XRN1: variants seen among roughly 807,000 people sequenced by gnomAD.
XRN1 encodes 5'-3' exoribonuclease 1.
XRN1 carries 67 observed loss-of-function variants against 222.3 expected under a neutral mutation model. The observed-to-expected ratio is 0.30, with a 90% confidence interval of 0.25 to 0.37. The LOEUF is 0.37. Ranked by LOEUF, XRN1 falls within the 10% of genes least tolerant of loss-of-function variation. The pLI, the probability that XRN1 is intolerant of heterozygous loss-of-function variation, is 1.00. For missense variants in XRN1, 1,707 were observed against 2,000.2 expected, an observed-to-expected ratio of 0.85 and a Z score of 2.80; for synonymous variants, 643 against 652.4, an observed-to-expected ratio of 0.99 and a Z score of 0.22.
rs2069078127 is a variant in XRN1, at chr3:142,422,525, T to C, written c.967+57A>G. ...AATCTACTAAACTAAGTCACATTTT[T>C]AGGGTAAGGTGGCACTAAATTAAAG... On this transcript the variant is annotated intron_variant, in intron 8 of 40. Transcript: ENST00000392981. The C allele has an allele frequency of 1.4e-5, 22 of 1,521,740 alleles. No individual in the cohort carries two copies. The East Asian group carries it at 5.0e-4, about 34-fold the overall frequency. The allele number at this position is 1,521,740 out of a possible 1,614,324, so 94.3% of individuals were successfully genotyped here.
chr3:142,360,516 G>C (rs571633977), intron 29 of XRN1, among the ~76,000 whole-genome samples: 4 of 151,924 alleles, frequency 2.6e-5, no homozygotes. Flanking sequence ...ATGTTCCCTA[G>C]GTTAAAAGTG....
Position 142,318,906 on chromosome 3 carries a change from A to G in XRN1, c.4405-3T>C, listed in dbSNP as rs1472858968. Reference sequence around the variant, plus strand: ...TTTACTTGGCAAACGGTCATTGTCTAAAAAAAGAGAATATATATGTCTATG... The same window carrying G: ...TTTACTTGGCAAACGGTCATTGTCTGAAAAAAGAGAATATATATGTCTATG... On this transcript the variant is annotated splice_region_variant and splice_polypyrimidine_tract_variant and intron_variant, in intron 37 of 40. Coordinates refer to ENST00000392981, the MANE Select transcript of XRN1 (RefSeq NM_001282857.2). 1.2e-6 allele frequency: 2 copies of G among 1,609,358 alleles called. No homozygotes were observed. Among genetic ancestry groups the G allele is most frequent in the Non-Finnish European group, 1.7e-6 (2 of 1,176,668 alleles).
chr3:142,351,968 T>A (rs2066320926), intron 32 of XRN1, among the ~76,000 whole-genome samples: 1 of 151,826 alleles, frequency 6.6e-6, no homozygotes, highest in Non-Finnish European at 1.5e-5. Context: ...CCCTTATTTC[T>A]AACACCACCA....
chr3:142,334,866 C>G (rs1331925277), intron 34 of XRN1, among the ~76,000 whole-genome samples: 1 of 148,716 alleles, frequency 6.7e-6, no homozygotes, highest in Non-Finnish European at 1.5e-5. Context: ...GAGACAGAGT[C>G]TCACTGTTGC....
intron 29 of XRN1, 74 bp downstream of exon 29, chr3:142,364,972 TA>T: frequency 6.8e-7 from 1 of 1,463,684 alleles, no homozygotes; most frequent in Non-Finnish European, 9.2e-7. Flanking sequence ...TGGTTAGATA[TA>T]AAAAACAGAC....
At position 142,311,723 on chromosome 3, in the gene XRN1, C is replaced by G; in HGVS notation, c.4873G>C (p.Asp1625His). The G allele has an allele frequency of 6.2e-7, 1 of 1,614,134 alleles. No homozygotes were observed. Among genetic ancestry groups the G allele is most frequent in the African/African-American group, 1.3e-5 (1 of 75,048 alleles). Residue 1625 changes from aspartate (D) to histidine (H), a missense_variant, in exon 41 of 41, where the codon GAT becomes CAT. By Grantham distance (81) the Asp-to-His change is moderately conservative (BLOSUM62 -1). This residue lies in a region of XRN1 where 473 missense variants were observed against 482.0 expected (regional missense o/e 0.98). Transcript: ENST00000392981. The part of the protein sequence containing the change: ...QATPVQTSQP[D>H]SSNIVKVSPR... ...CTTACTTTGACAATGTTGGAAGAAT[C>G]TGGCTGGCTAGTCTGAACTGGAGTG...
At chr3:142,442,818 C>A (rs528767633) in intron 1 of XRN1, among the ~76,000 whole-genome samples, 1 of 152,214 alleles carries the variant, frequency 6.6e-6, no homozygotes, top group Admixed American at 6.5e-5. Flanking sequence ...ACTGCAAGCT[C>A]CGCCTCCTGG....
At position 142,383,239 on chromosome 3, in the gene XRN1, GAAGTT is replaced by G. The variant is rs1213430944; in HGVS notation, c.2616+56_2616+60del. ...ATTTTAATTTAAACCTAAATGAAGA[GAAGTT>G]AAGTAACTGCTTTAAACTAGAGAAA... On this transcript the variant is annotated intron_variant, in intron 22 of 40. Transcript: ENST00000392981. 7 of 1,255,150 alleles carry G rather than the reference GAAGTT, an allele frequency of 5.6e-6. No homozygotes were observed. The African/African-American group carries it at 1.1e-4, about 19-fold the overall frequency. 77.8% of individuals were successfully genotyped at this position (1,255,150 alleles called of 1,614,324 possible). A position where few individuals can be genotyped will look rare whatever the true frequency, so the allele number is the denominator to read the frequency against.
intron 33 of XRN1, among the ~76,000 whole-genome samples, chr3:142,340,182 C>T (rs962733532): frequency 2.6e-5 from 4 of 151,882 alleles, no homozygotes; most frequent in Non-Finnish European, 4.4e-5. Flanking sequence ...ATGGAGAAAC[C>T]CTGTCTCTAC....
Position 142,426,764 on chromosome 3 carries a change from T to A in XRN1, c.386A>T (p.Asp129Val). 6.2e-7 allele frequency: 1 copy of A among 1,613,748 alleles called. No homozygotes were observed. The highest frequency in any genetic ancestry group is 8.5e-7 in the Non-Finnish European group (1 of 1,179,888). Reference protein sequence around the residue: ...GETLPTEARFDSNCITPGTEF... With the variant: ...GETLPTEARFVSNCITPGTEF... ...TTTACCTGGTGTGATACAGTTGGAA[T>A]CAAATCTGGCCTCTGTAGGAAGAGT... Residue 129 changes from aspartate to valine, a missense_variant, in exon 3 of 41, where the codon GAT becomes GTT. Physicochemically the swap from Asp to Val is radical, Grantham distance 152. This residue lies in a region of XRN1 where 1,234 missense variants were observed against 1,518.2 expected (regional missense o/e 0.81). Transcript: ENST00000392981.
intron 20 of XRN1, among the ~76,000 whole-genome samples, chr3:142,386,576 T>A (rs1212013026): frequency 2.0e-5 from 3 of 152,078 alleles, no homozygotes; most frequent in African/African-American, 7.2e-5. Context: ...TAAAGATAAA[T>A]TACTTAGTTT....
At chr3:142,326,874 AATG>A (rs2065531536) in intron 37 of XRN1, among the ~76,000 whole-genome samples, 1 of 152,116 alleles carries the variant, frequency 6.6e-6, no homozygotes, top group Non-Finnish European at 1.5e-5. Flanking sequence ...TTAGTATTGA[AATG>A]ATCATATGGT....
In XRN1 at chr3:142,311,265, GT is replaced by G. The variant is rs1339236018; in HGVS notation, c.*245del. ...TTATTTTAATGCAAGGTTTAATTTA[GT>G]TTTTTATTACAGATTTATTGAGGTA... is the stretch of plus-strand genomic sequence containing the variant. On this transcript the variant is annotated 3_prime_UTR_variant, in exon 41 of 41. Transcript: ENST00000392981. The G allele has an allele frequency of 3.4e-6, 1 of 297,834 alleles. No individual in the cohort carries two copies. The highest frequency in any genetic ancestry group is 2.3e-5 in the African/African-American group (1 of 43,426). The allele number at this position is 297,834 out of a possible 1,614,324, so 18.4% of individuals were successfully genotyped here.
chr3:142,380,030 AT>A, intron 23 of XRN1, 51 bp downstream of exon 23: 1 of 1,471,600 alleles, frequency 6.8e-7, no homozygotes, highest in Non-Finnish European at 9.3e-7. Flanking sequence ...ATATCCTAAT[AT>A]TTTAAAAGTT....
Position 142,412,600 on chromosome 3 carries a change from G to T in XRN1, c.1657C>A (p.Leu553Ile). Residue 553 changes from leucine (L) to isoleucine (I), a missense_variant, in exon 15 of 41, where the codon CTA becomes ATA. By Grantham distance (5) the Leu-to-Ile change is conservative. Coordinates refer to ENST00000392981, the MANE Select transcript of XRN1 (RefSeq NM_001282857.2). ...EYYPPDFKTD[L>I]NGKQQEWEAV... ...TCCCATTCCTGTTGTTTCCCATTTAGGTCAGTTTTAAAATCAGGTGGGTAA... is the reference window on the plus strand; with the variant it reads ...TCCCATTCCTGTTGTTTCCCATTTATGTCAGTTTTAAAATCAGGTGGGTAA... 2 of 1,607,964 alleles carry T rather than the reference G, an allele frequency of 1.2e-6. No individual in the cohort carries two copies. The highest frequency in any genetic ancestry group is 1.7e-6 in the Non-Finnish European group (2 of 1,175,948).
intron 20 of XRN1, among the ~76,000 whole-genome samples, chr3:142,395,670 T>C (rs1003829737): frequency 5.3e-5 from 8 of 152,258 alleles, no homozygotes; most frequent in Admixed American, 2.0e-4. Context: ...GCTCAATCAA[T>C]ACAGCTCTTG....
chr3:142,324,319 C>T lies in XRN1; in HGVS notation c.4404+5115G>A, dbSNP rs544177470. Reference sequence around the variant, plus strand: ...GTCCATGTGTTCTCACTGTTCAATTCCCACCTATGAGTGAGAACATGTTGT... The same window carrying T: ...GTCCATGTGTTCTCACTGTTCAATTTCCACCTATGAGTGAGAACATGTTGT... On this transcript the variant is annotated intron_variant, in intron 37 of 40. Transcript: ENST00000392981. 6.4e-5 allele frequency among the ~76,000 whole-genome samples: 9 copies of T among 141,426 alleles called. No individual in the cohort carries two copies. In the South Asian group the frequency reaches 1.8e-3, roughly 29 times the overall value. The allele number at this position is 141,426 out of a possible 152,430, so 92.8% of individuals were successfully genotyped here. A position where few individuals can be genotyped will look rare whatever the true frequency, so the allele number is the denominator to read the frequency against.
intron 25 of XRN1, among the ~76,000 whole-genome samples, chr3:142,372,669 C>G (rs1484059895): frequency 1.3e-5 from 2 of 152,204 alleles, no homozygotes; most frequent in African/African-American, 2.4e-5. Context: ...CAGCTGAGGG[C>G]TGCCGGAAAG....
At position 142,420,996 on chromosome 3, in the gene XRN1, A is replaced by G; in HGVS notation, c.1173+20T>C. ...CCTTTACAGTTAAAACAATGAAAGG[A>G]CACCTAAAAAAATAGACACCTTTAA... is the stretch of plus-strand genomic sequence containing the variant. On this transcript the variant is annotated intron_variant, in intron 10 of 40. Coordinates refer to ENST00000392981, the MANE Select transcript of XRN1 (RefSeq NM_001282857.2). 1.2e-6 allele frequency: 2 copies of G among 1,613,042 alleles called. No individual in the cohort carries two copies. Among genetic ancestry groups the G allele is most frequent in the Non-Finnish European group, 1.7e-6 (2 of 1,179,536 alleles).
Sources: gnomAD v4.1 joint callset for allele counts (sites outside exome capture counted in the v4.1 genomes callset) on GRCh38, gnomAD v4.1.1 for gene constraint, gnomAD v4.1.1 regional missense constraint, MANE v1.5 for transcripts, NCBI Gene and HGNC (gene_info 2026-07-23, HGNC 2026-07-21) for gene names.